Variants in GALNT2 observed in about 807,000 individuals in gnomAD.
GALNT2 encodes the protein UDP-GalNAc:polypeptide N-acetylgalactosaminyltransferase 2.
A neutral mutation model predicts 81.4 loss-of-function variants in GALNT2; 31 were observed. That is an observed-to-expected ratio of 0.38 (90% CI 0.29 to 0.51). The LOEUF is 0.51. Among genes scored for constraint, GALNT2 ranks in the 20% least tolerant of loss-of-function variants. The probability of loss-of-function intolerance (pLI) is 0.87; values close to 1 mark genes in which losing one functional copy is unlikely to be tolerated. For synonymous variants in GALNT2, 303 were observed against 287.4 expected, an observed-to-expected ratio of 1.05 and a Z score of -0.55; for missense variants, 629 against 765.7, an observed-to-expected ratio of 0.82 and a Z score of 2.11.
At chr1:230,246,487 C>T (rs1159021076) in intron 8 of GALNT2, among the ~76,000 whole-genome samples, 3 of 152,136 alleles carry the variant, frequency 2.0e-5, no homozygotes, top group African/African-American at 4.8e-5. Flanking sequence ...AGAAGCTTCA[C>T]GGAGCTGAGG....
intron 2 of GALNT2, 59 bp downstream of exon 2, chr1:230,178,370 G>A: frequency 7.6e-7 from 1 of 1,308,738 alleles, no homozygotes; most frequent in East Asian, 2.3e-5. Context: ...AGTGGACTGA[G>A]CATGGCTCTT....
chr1:230,219,840 C>T (rs1451175177), intron 3 of GALNT2, among the ~76,000 whole-genome samples: 1 of 152,190 alleles, frequency 6.6e-6, no homozygotes, highest in Non-Finnish European at 1.5e-5. Flanking sequence ...AGAACTGCTT[C>T]TGACTGGCCC....
chr1:230,068,280 A>ATT (rs916638612), intron 1 of GALNT2, among the ~76,000 whole-genome samples: 38 of 152,180 alleles, frequency 2.5e-4, no homozygotes, highest in African/African-American at 9.2e-4. Context: ...GGCCCTGGGC[A>ATT]TTCGGGAGGA....
At chr1:230,235,548 T>G (rs905694756) in intron 3 of GALNT2, among the ~76,000 whole-genome samples, 1 of 152,232 alleles carries the variant, frequency 6.6e-6, no homozygotes, top group African/African-American at 2.4e-5. Flanking sequence ...GTGGGTCTGC[T>G]GTTCGTGGTG....
chr1:230,206,867 C>T (rs575488361), intron 3 of GALNT2, among the ~76,000 whole-genome samples: 125 of 152,130 alleles, frequency 8.2e-4, no homozygotes, highest in Non-Finnish European at 1.5e-3. Context: ...CCATCTGTAA[C>T]CTATGAAGAT....
intron 1 of GALNT2, among the ~76,000 whole-genome samples, chr1:230,120,957 T>G (rs1660997573): frequency 6.6e-6 from 1 of 152,214 alleles, no homozygotes; most frequent in Non-Finnish European, 1.5e-5. Context: ...GGCCAGAAAT[T>G]GGTTAACTGT....
Position 230,279,582 on chromosome 1 carries a change from C to A in GALNT2, c.*124C>A. The A allele has an allele frequency of 7.8e-7, 1 of 1,279,426 alleles. No individual in the cohort carries two copies. The highest frequency in any genetic ancestry group is 1.1e-6 in the Non-Finnish European group (1 of 944,228). The allele number at this position is 1,279,426 out of a possible 1,614,324, so 79.3% of individuals were successfully genotyped here. On this transcript the variant is annotated 3_prime_UTR_variant, in exon 16 of 16. Coordinates refer to ENST00000366672, the MANE Select transcript of GALNT2 (RefSeq NM_004481.5). This position sits in a 1 kb window ranked among gnomAD's most constrained non-coding sequence, Gnocchi z 4.6. ...ATATACCTCAGTATTCCATCATGGT[C>A]TGAAAGTCAAACTTCGGCAAGGCAC...
intron 14 of GALNT2, among the ~76,000 whole-genome samples, chr1:230,270,029 G>A (rs549497297): frequency 7.8e-4 from 118 of 152,136 alleles, no homozygotes; most frequent in African/African-American, 2.6e-3. Context: ...GTGAAACCCC[G>A]TCTCTACTAA....
chr1:230,232,078 C>A (rs1664882039), intron 3 of GALNT2, among the ~76,000 whole-genome samples: 1 of 152,098 alleles, frequency 6.6e-6, no homozygotes, highest in African/African-American at 2.4e-5. Flanking sequence ...GACTGGTTGG[C>A]AGGGATATGG....
chr1:230,104,283 A>G (rs1400225225), intron 1 of GALNT2, among the ~76,000 whole-genome samples: 2 of 152,156 alleles, frequency 1.3e-5, no homozygotes, highest in Non-Finnish European at 2.9e-5. Flanking sequence ...GGTTAATGGA[A>G]CCACTATCTT....
At chr1:230,062,800 A>G (rs1474779246), upstream of GALNT2, among the ~76,000 whole-genome samples, 1 of 152,120 alleles carries the variant, frequency 6.6e-6, no homozygotes, top group Non-Finnish European at 1.5e-5. Context: ...GGCCACTGTA[A>G]ATAACACTGC....
chr1:230,109,078 C>T (rs539400602), intron 1 of GALNT2, among the ~76,000 whole-genome samples: 5 of 152,344 alleles, frequency 3.3e-5, no homozygotes, highest in African/African-American at 7.2e-5. Flanking sequence ...TCTTCTCTAT[C>T]TCATTAAACA....
At chr1:230,086,582 T>G (rs747125515) in intron 1 of GALNT2, among the ~76,000 whole-genome samples, 21 of 152,184 alleles carry the variant, frequency 1.4e-4, no homozygotes, top group Non-Finnish European at 2.6e-4. Context: ...AGCAGTTTTT[T>G]TTTCCCCCGT....
chr1:230,168,355 T>C (rs890021613), intron 1 of GALNT2, among the ~76,000 whole-genome samples: 2 of 152,230 alleles, frequency 1.3e-5, no homozygotes, highest in Non-Finnish European at 2.9e-5. Context: ...TCCCTTGTGC[T>C]CGCTTTCTCT....
Position 230,243,543 on chromosome 1 carries a change from G to A in GALNT2, c.729+116G>A. ...GGGAGTAGGGCGTCAGGGCTGGTAGGGGCTGAGCTCGCCGTCTGCAGTTTT... is the reference window on the plus strand; with the variant it reads ...GGGAGTAGGGCGTCAGGGCTGGTAGAGGCTGAGCTCGCCGTCTGCAGTTTT... On this transcript the variant is annotated intron_variant, in intron 7 of 15. Coordinates refer to ENST00000366672, the MANE Select transcript of GALNT2 (RefSeq NM_004481.5). This position sits in a 1 kb window ranked among gnomAD's most constrained non-coding sequence, Gnocchi z 4.2. The A allele has an allele frequency of 2.3e-6, 3 of 1,327,282 alleles. No homozygotes were observed. The highest frequency in any genetic ancestry group is 3.0e-6 in the Non-Finnish European group (3 of 998,666). 82.2% of individuals were successfully genotyped at this position (1,327,282 alleles called of 1,614,324 possible).
At chr1:230,249,124 G>T in intron 8 of GALNT2, 60 bp from the exon 9 acceptor site, 1 of 1,412,934 alleles carries the variant, frequency 7.1e-7, no homozygotes, top group Non-Finnish European at 1.0e-6. Context: ...GAGGAATGGG[G>T]GTGTCGGGAG....
intron 1 of GALNT2, among the ~76,000 whole-genome samples, chr1:230,144,743 C>T (rs982981551): frequency 1.3e-5 from 2 of 152,046 alleles, no homozygotes; most frequent in African/African-American, 4.8e-5. Context: ...AAGTAAGTAC[C>T]ACTAACCTTG....
chr1:230,187,579 C>CT, intron 2 of GALNT2, among the ~76,000 whole-genome samples: 1 of 152,358 alleles, frequency 6.6e-6, no homozygotes, highest in South Asian at 2.1e-4. Context: ...CCACAGATGA[C>CT]TTAAGTGTTA....
At chr1:230,119,169 C>T (rs561025036) in intron 1 of GALNT2, among the ~76,000 whole-genome samples, 7 of 152,222 alleles carry the variant, frequency 4.6e-5, no homozygotes, top group East Asian at 1.9e-4. Flanking sequence ...ATAAAGTTAC[C>T]GACTGTGGTT....
Sources: allele counts gnomAD v4.1 joint callset (sites outside exome capture counted in the v4.1 genomes callset), GRCh38; gene constraint gnomAD v4.1.1; non-coding constraint Gnocchi (gnomAD v3.1); transcripts MANE v1.5; gene names NCBI Gene and HGNC (gene_info 2026-07-23, HGNC 2026-07-21).